Variants in DRP2 observed in about 807,000 individuals in gnomAD.
The protein encoded by DRP2 is dystrophin-related protein 2.
In DRP2, 29 loss-of-function variants were observed where a neutral mutation model predicts 78.2. The ratio of observed to expected loss-of-function variants is 0.37; its 90% CI spans 0.28 to 0.51. The LOEUF is 0.51. Among genes scored for constraint, DRP2 ranks in the 20% least tolerant of loss-of-function variants. The pLI, the probability that DRP2 is intolerant of heterozygous loss-of-function variation, is 0.94. For missense variants in DRP2, 686 were observed against 770.6 expected (o/e 0.89, Z 1.30); for synonymous variants, 290 against 281.9 (o/e 1.03, Z -0.29).
Position 101,224,181 on chromosome X carries a change from G to GTTTTTTTTTTTTTTTT in DRP2, c.-166-423_-166-422insTTTTTTTTTTTTTTTT, listed in dbSNP as rs1379202759. 6.1e-4 allele frequency among the ~76,000 whole-genome samples: 29 copies of GTTTTTTTTTTTTTTTT among 47,648 alleles called. 2 individuals carry two copies. Among genetic ancestry groups the GTTTTTTTTTTTTTTTT allele is most frequent in the African/African-American group, 2.0e-3 (16 of 8,190 alleles). 41.4% of individuals were successfully genotyped at this position (47,648 alleles called of 115,157 possible). A position where few individuals can be genotyped will look rare whatever the true frequency, so the allele number is the denominator to read the frequency against. On this transcript the variant is annotated intron_variant, in intron 1 of 23. Transcript: ENST00000395209. ...TCCCAAGAATAATAAATGTTTGCTG[G>GTTTTTTTTTTTTTTTT]GTTTTTTTTGTTTTTTTTTTTTTTT...
Position 101,260,537 on chromosome X carries a change from G to T in DRP2, c.2790G>T (p.Leu930Phe). The T allele has an allele frequency of 8.3e-7, 1 of 1,211,365 alleles. No individual in the cohort carries two copies. The highest frequency in any genetic ancestry group is 1.1e-6 in the Non-Finnish European group (1 of 895,384). The change falls in exon 24 of 24, where the codon TTG becomes TTT. Residue 930 changes from leucine (L) to phenylalanine (F), a missense_variant. Around this residue, in one of 2 missense-constraint regions of DRP2, gnomAD observed 423 missense variants for 531.5 expected, o/e 0.80. Transcript: ENST00000395209. ...AGAGCCAGGATGTCAGCCTGTGCTT[G>T]GAGGACATCATGGAGAAACTCCGTC... The part of the protein sequence containing the change: ...GSKSQDVSLC[L>F]EDIMEKLRHA...
At chrX:101,229,968 ACT>A (rs1352321594) in intron 2 of DRP2, among the ~76,000 whole-genome samples, 1 of 111,373 alleles carries the variant, frequency 9.0e-6, no homozygotes, top group African/African-American at 3.3e-5. Context: ...CAGCAAATTT[ACT>A]CTTTCTCCTG....
intron 9 of DRP2, 31 bp from the exon 10 acceptor site, chrX:101,244,986 C>CT: frequency 2.5e-6 from 3 of 1,190,299 alleles, no homozygotes; most frequent in Non-Finnish European, 3.4e-6. Flanking sequence ...TAGTGGCCAG[C>CT]TTTTTTTCTC....
intron 22 of DRP2, 67 bp downstream of exon 22, chrX:101,258,613 G>A: frequency 2.0e-6 from 2 of 984,357 alleles, no homozygotes; most frequent in Non-Finnish European, 1.4e-6. Flanking sequence ...GGGGAGCTGA[G>A]GGCTGTGGCA....
chrX:101,257,623 A>T (rs1243069025), intron 21 of DRP2, among the ~76,000 whole-genome samples: 1 of 107,987 alleles, frequency 9.3e-6, no homozygotes, highest in Non-Finnish European at 1.9e-5. Flanking sequence ...CATTGGGACC[A>T]CATACTGGTC....
chrX:101,236,469 C>G (rs780943010), intron 4 of DRP2, among the ~76,000 whole-genome samples: 2 of 111,844 alleles, frequency 1.8e-5, no homozygotes, highest in Non-Finnish European at 3.8e-5. Context: ...CTCATCTGTT[C>G]ACTTCCCCAT....
chrX:101,250,718 C>A (rs1006473987), intron 15 of DRP2, 138 bp downstream of exon 15: 22 of 952,481 alleles, frequency 2.3e-5, no homozygotes, highest in Non-Finnish European at 3.1e-5. Context: ...AACAACAGGG[C>A]AGAGGGTTCT....
chrX:101,226,714 A>G (rs1218103671), intron 2 of DRP2, among the ~76,000 whole-genome samples: 15 of 111,432 alleles, frequency 1.3e-4, no homozygotes, highest in Admixed American at 9.6e-4. Context: ...CCACACCTGC[A>G]TATGTCAAAA....
At position 101,237,744 on chromosome X, in the gene DRP2, C is replaced by A; in HGVS notation, c.407C>A (p.Ala136Asp). Residue 136 changes from alanine (A) to aspartate (D), a missense_variant, in exon 5 of 24, where the codon GCC becomes GAC. Coordinates refer to ENST00000395209, the MANE Select transcript of DRP2 (RefSeq NM_001939.3). Reference protein sequence around the residue: ...SAQLPLQGDVALVQQEKETHA... With the variant: ...SAQLPLQGDVDLVQQEKETHA... ...CAGCTGCCCCTACAGGGGGATGTGG[C>A]CCTGGTGCAACAGGAGAAGGAGACA... is the stretch of plus-strand genomic sequence containing the variant. The A allele has an allele frequency of 8.6e-7, 1 of 1,159,940 alleles. No homozygotes were observed. The highest frequency in any genetic ancestry group is 2.1e-5 in the South Asian group (1 of 46,656).
At chrX:101,224,191 G>GTTTTGTTTTTTTT (rs1922007763) in intron 1 of DRP2, among the ~76,000 whole-genome samples, 6 of 38,868 alleles carry the variant, frequency 1.5e-4, no homozygotes, top group East Asian at 1.0e-3. Flanking sequence ...GGTTTTTTTT[G>GTTTTGTTTTTTTT]TTTTTTTTTT....
intron 3 of DRP2, among the ~76,000 whole-genome samples, chrX:101,235,433 G>A (rs1422306666): frequency 2.6e-4 from 29 of 112,406 alleles, no homozygotes. Context: ...TGGGTAAACT[G>A]TAGGACCCTG....
chrX:101,247,067 G>T, intron 11 of DRP2, 23 bp from the exon 12 acceptor site: 1 of 1,200,161 alleles, frequency 8.3e-7, no homozygotes, highest in South Asian at 1.8e-5. Flanking sequence ...TGATCTGAGT[G>T]GGTCTCTCTC....
At chrX:101,248,669 G>A (rs1923022353) in intron 14 of DRP2, 70 bp downstream of exon 14, 1 of 973,369 alleles carries the variant, frequency 1.0e-6, no homozygotes, top group East Asian at 3.1e-5. Flanking sequence ...GAGGAAGGGT[G>A]TAAGATAAGC....
At chrX:101,237,194 C>T (rs1015650953) in intron 4 of DRP2, among the ~76,000 whole-genome samples, 1 of 112,126 alleles carries the variant, frequency 8.9e-6, no homozygotes, top group African/African-American at 3.2e-5. Flanking sequence ...GAGGGCAGTT[C>T]GGAACAGCCT....
chrX:101,256,059 T>C, intron 20 of DRP2, 59 bp from the exon 21 acceptor site: 1 of 1,114,251 alleles, frequency 9.0e-7, no homozygotes, highest in Non-Finnish European at 1.2e-6. Context: ...AGCTGAGAGC[T>C]GAGTTGTTTC....
chrX:101,255,068 TAGG>T, intron 19 of DRP2, 113 bp from the exon 20 acceptor site: 1 of 1,045,796 alleles, frequency 9.6e-7, no homozygotes, highest in Non-Finnish European at 1.3e-6. Flanking sequence ...ACCCAACACT[TAGG>T]AGTAGTTGGG....
intron 20 of DRP2, 118 bp downstream of exon 20, chrX:101,255,367 C>G: frequency 1.4e-6 from 1 of 731,267 alleles, no homozygotes; most frequent in Non-Finnish European, 2.0e-6. Context: ...GGATCCTTAG[C>G]TCCCTAAGGA....
chrX:101,255,417 G>A (rs887079275), intron 20 of DRP2, among the ~76,000 whole-genome samples, 168 bp downstream of exon 20: 1 of 111,141 alleles, frequency 9.0e-6, no homozygotes, highest in Admixed American at 9.5e-5. Flanking sequence ...AGTAAGAAAG[G>A]CAGTCTTCCC....
intron 17 of DRP2, among the ~76,000 whole-genome samples, chrX:101,253,540 C>CTTTTTTTTTTTTTTT (rs138161868): frequency 1.9e-5 from 1 of 53,562 alleles, no homozygotes; most frequent in East Asian, 5.6e-4. Flanking sequence ...TTACTTTCAC[C>CTTTTTTTTTTTTTTT]TTTTTTTTTT....
Sources: gnomAD v4.1 joint callset for allele counts (sites outside exome capture counted in the v4.1 genomes callset) on GRCh38, gnomAD v4.1.1 for gene constraint, gnomAD v4.1.1 regional missense constraint, MANE v1.5 for transcripts, NCBI Gene and HGNC (gene_info 2026-07-23, HGNC 2026-07-21) for gene names.